ROBO1: variants seen among roughly 807,000 people sequenced by gnomAD.
ROBO1 encodes the protein roundabout homolog 1.
A neutral mutation model predicts 195.9 loss-of-function variants in ROBO1; 149 were observed. That is an observed-to-expected ratio of 0.76 (90% CI 0.67 to 0.87). The LOEUF (loss-of-function observed/expected upper bound fraction) is 0.87, where lower values mean the gene tolerates loss of function less well. ROBO1 is among the 40% of genes least tolerant of loss of function. The probability of loss-of-function intolerance (pLI) is 0.00; values close to 1 mark genes in which losing one functional copy is unlikely to be tolerated. For synonymous variants in ROBO1, 816 were observed against 733.2 expected, an observed-to-expected ratio of 1.11 and a Z score of -1.82; for missense variants, 1,933 against 2,068.3, an observed-to-expected ratio of 0.93 and a Z score of 1.27.
chr3:79,488,983 G>A (rs1477109436), intron 2 of ROBO1, among the ~76,000 whole-genome samples: 3 of 151,834 alleles, frequency 2.0e-5, no homozygotes, highest in Admixed American at 1.3e-4. Flanking sequence ...CTCCACAGTA[G>A]ACAATAACAA....
chr3:79,413,856 T>A (rs960380826), intron 2 of ROBO1, among the ~76,000 whole-genome samples: 11 of 152,112 alleles, frequency 7.2e-5, no homozygotes, highest in African/African-American at 2.4e-4. Flanking sequence ...ATACTGTTTT[T>A]ATGAAATCAC....
At chr3:79,246,511 G>A (rs975581627) in intron 2 of ROBO1, among the ~76,000 whole-genome samples, 9 of 151,976 alleles carry the variant, frequency 5.9e-5, no homozygotes, top group Non-Finnish European at 7.4e-5. Context: ...CTGCTTAAAT[G>A]TGTTTCTACT....
intron 1 of ROBO1, among the ~76,000 whole-genome samples, chr3:79,695,936 GT>G (rs35294954): frequency 0.29 from 44,326 of 150,722 alleles, 7,726 homozygotes; most frequent in East Asian, 0.53. Context: ...ACAGTTATAG[GT>G]TTTTTTTCCC....
At chr3:79,331,630 A>G (rs1005020835) in intron 2 of ROBO1, among the ~76,000 whole-genome samples, 1 of 151,334 alleles carries the variant, frequency 6.6e-6, no homozygotes. Flanking sequence ...TTTCAGCCAG[A>G]GCAGGTCCAG....
At chr3:79,084,505 G>A (rs2079332678) in intron 3 of ROBO1, among the ~76,000 whole-genome samples, 1 of 152,056 alleles carries the variant, frequency 6.6e-6, no homozygotes, top group South Asian at 2.1e-4. Flanking sequence ...CTCAAAAAAA[G>A]AGAATAATAA....
chr3:78,875,990 A>G (rs978874187), intron 4 of ROBO1, among the ~76,000 whole-genome samples: 1 of 152,120 alleles, frequency 6.6e-6, no homozygotes, highest in Non-Finnish European at 1.5e-5. Context: ...CTTAATGAAG[A>G]TTCACCAATA....
At chr3:79,275,528 A>G (rs945772373) in intron 2 of ROBO1, among the ~76,000 whole-genome samples, 2 of 151,924 alleles carry the variant, frequency 1.3e-5, no homozygotes, top group Non-Finnish European at 2.9e-5. Context: ...GGTATCATAT[A>G]GAATGGAGAA....
intron 2 of ROBO1, among the ~76,000 whole-genome samples, chr3:79,299,082 T>C (rs1289522703): frequency 2.0e-5 from 3 of 152,154 alleles, no homozygotes; most frequent in Non-Finnish European, 4.4e-5. Context: ...TTTGGCACAA[T>C]TGAACCTTCT....
chr3:79,347,895 T>C (rs931452460), intron 2 of ROBO1, among the ~76,000 whole-genome samples: 7 of 152,144 alleles, frequency 4.6e-5, no homozygotes, highest in Admixed American at 4.6e-4. Flanking sequence ...TAATACCAAA[T>C]GTAGTACCGT....
chr3:79,604,083 A>T (rs1944414691), intron 1 of ROBO1, among the ~76,000 whole-genome samples: 1 of 151,984 alleles, frequency 6.6e-6, no homozygotes, highest in Non-Finnish European at 1.5e-5. Flanking sequence ...AAAGAGGTAC[A>T]TTTGTTTACC....
chr3:79,394,031 C>A (rs1232007213), intron 2 of ROBO1, among the ~76,000 whole-genome samples: 1 of 152,006 alleles, frequency 6.6e-6, no homozygotes, highest in African/African-American at 2.4e-5. Context: ...GAAGATTTAG[C>A]TTTCCCTTAG....
intron 3 of ROBO1, among the ~76,000 whole-genome samples, chr3:79,099,573 C>T (rs2079636806): frequency 6.6e-6 from 1 of 151,572 alleles, no homozygotes; most frequent in Non-Finnish European, 1.5e-5. Context: ...TGGTTTGTAG[C>T]TCAATGGAAA....
chr3:78,957,552 G>A (rs1005572269), intron 3 of ROBO1, among the ~76,000 whole-genome samples: 1 of 152,126 alleles, frequency 6.6e-6, no homozygotes, highest in Non-Finnish European at 1.5e-5. Flanking sequence ...ACAATGAGTG[G>A]GAGCAAATGC....
intron 1 of ROBO1, among the ~76,000 whole-genome samples, chr3:79,680,558 G>T (rs1408694822): frequency 6.6e-6 from 1 of 152,002 alleles, no homozygotes; most frequent in Non-Finnish European, 1.5e-5. Context: ...TCAACATAAA[G>T]TGTCTACTTC....
In ROBO1 at chr3:79,632,662, A is replaced by G. The variant is rs72909968; in HGVS notation, c.-50-42701T>C. On this transcript the variant is annotated intron_variant, in intron 1 of 30. Coordinates refer to ENST00000464233, the MANE Select transcript of ROBO1 (RefSeq NM_002941.4). ...CAAAATGGATCACAGAAGCAAATGTAAAACCTAGAACTGTACATATTGTGG... is the reference window on the plus strand; with the variant it reads ...CAAAATGGATCACAGAAGCAAATGTGAAACCTAGAACTGTACATATTGTGG... Among the ~76,000 whole-genome samples, 1,005 of 152,286 alleles carry G rather than the reference A, an allele frequency of 6.6e-3. 10 individuals carry two copies. The highest frequency in any genetic ancestry group is 0.023 in the African/African-American group (946 of 41,568).
chr3:79,461,232 G>C (rs1937625114), intron 2 of ROBO1, among the ~76,000 whole-genome samples: 1 of 152,008 alleles, frequency 6.6e-6, no homozygotes, highest in Admixed American at 6.6e-5. Flanking sequence ...AAGAGAAGAA[G>C]GGGTCTATTT....
At chr3:79,116,440 T>TCCTTTC (rs971536067) in intron 3 of ROBO1, among the ~76,000 whole-genome samples, 2 of 150,800 alleles carry the variant, frequency 1.3e-5, no homozygotes, top group Non-Finnish European at 3.0e-5. Context: ...TCCTTTCCTT[T>TCCTTTC]CCTTTCCCTT....
intron 4 of ROBO1, among the ~76,000 whole-genome samples, chr3:78,764,383 A>G (rs1186995658): frequency 6.6e-6 from 1 of 152,198 alleles, no homozygotes; most frequent in Non-Finnish European, 1.5e-5. Flanking sequence ...CATGATCATT[A>G]CCCACTGACT....
chr3:79,018,625 C>T lies in ROBO1; in HGVS notation c.173-79698G>A. On this transcript the variant is annotated intron_variant, in intron 3 of 30. Transcript: ENST00000464233. ...GCAATTACTCGTCGACCTTTCCGGA[C>T]GCTTGTCAGTATCTCAGAGACTTTT... 7 of 1,449,096 alleles carry T rather than the reference C, an allele frequency of 4.8e-6. No homozygotes were observed. In the South Asian group the frequency reaches 8.6e-5, roughly 18 times the overall value. 89.8% of individuals were successfully genotyped at this position (1,449,096 alleles called of 1,614,324 possible). A position where few individuals can be genotyped will look rare whatever the true frequency, so the allele number is the denominator to read the frequency against.
Sources: gnomAD v4.1 joint callset for allele counts (sites outside exome capture counted in the v4.1 genomes callset) on GRCh38, gnomAD v4.1.1 for gene constraint, MANE v1.5 for transcripts, NCBI Gene and HGNC (gene_info 2026-07-23, HGNC 2026-07-21) for gene names.